Variants in KIF13A observed in about 807,000 individuals in gnomAD.
The protein encoded by KIF13A is kinesin family member 13A.
In KIF13A, 79 loss-of-function variants were observed where a neutral mutation model predicts 212.2. The ratio of observed to expected loss-of-function variants is 0.37; its 90% CI spans 0.31 to 0.45. KIF13A has a LOEUF of 0.45. Ranked by LOEUF, KIF13A falls within the 20% of genes least tolerant of loss-of-function variation. The pLI is 1.00. For synonymous variants in KIF13A, 789 were observed against 808.6 expected (o/e 0.98, Z 0.41); for missense variants, 1,901 against 2,209.0 (o/e 0.86, Z 2.79).
rs1781160822 is a variant in KIF13A, at chr6:17,982,260, T to G, written c.146+4794A>C. On this transcript the variant is annotated intron_variant, in intron 2 of 38. Coordinates refer to ENST00000259711, the MANE Select transcript of KIF13A (RefSeq NM_022113.6). The surrounding 1 kb of genome is among the most constrained non-coding windows in gnomAD (Gnocchi z 5.1). ...ATAGGTGTGCACCACCACACTCGGC[T>G]AACTTTTGTATTTTTTTAGTGGAGA... 6.0e-6 allele frequency: 1 copy of G among 166,270 alleles called. No individual in the cohort carries two copies. The highest frequency in any genetic ancestry group is 2.4e-5 in the African/African-American group (1 of 41,662). 10.3% of individuals were successfully genotyped at this position (166,270 alleles called of 1,614,324 possible).
chr6:17,936,240 C>G (rs988543740), intron 2 of KIF13A: 1 of 152,290 alleles, frequency 6.6e-6, no homozygotes, highest in African/African-American at 2.4e-5. Flanking sequence ...CCTCCGCCTC[C>G]CGGATTCAAG....
chr6:17,802,504 G>A (rs1762555345), intron 20 of KIF13A, among the ~76,000 whole-genome samples: 1 of 151,980 alleles, frequency 6.6e-6, no homozygotes, highest in Admixed American at 6.6e-5. Flanking sequence ...TGGTCAGGCT[G>A]GTCTCGAACA....
chr6:17,793,132 T>G (rs1761736509), intron 25 of KIF13A, among the ~76,000 whole-genome samples: 1 of 152,014 alleles, frequency 6.6e-6, no homozygotes, highest in Non-Finnish European at 1.5e-5. Flanking sequence ...CAGGCTGGAG[T>G]GCAGTGGTAT....
intron 2 of KIF13A, among the ~76,000 whole-genome samples, chr6:17,925,145 G>C (rs530115978): frequency 1.3e-5 from 2 of 152,328 alleles, no homozygotes; most frequent in East Asian, 3.9e-4. Flanking sequence ...CAAGCGGAGG[G>C]ACAGACAAGT....
chr6:17,942,062 G>A (rs1777000682), intron 2 of KIF13A, among the ~76,000 whole-genome samples: 1 of 151,914 alleles, frequency 6.6e-6, no homozygotes, highest in South Asian at 2.1e-4. Context: ...AGCATTTTGG[G>A]AGGCTGAGGT....
At position 17,948,996 on chromosome 6, in the gene KIF13A, C is replaced by T. The variant is rs1357967861; in HGVS notation, c.146+38058G>A. Among the ~76,000 whole-genome samples, 11 of 152,156 alleles carry T rather than the reference C, an allele frequency of 7.2e-5. 2 individuals carry two copies. The South Asian group carries it at 2.3e-3, about 32-fold the overall frequency. On this transcript the variant is annotated intron_variant, in intron 2 of 38. Transcript: ENST00000259711. ...TCGACTAACAATAAACAGTCTTTTGCCTTTCTTACATTATATTCAATATGA... is the reference window on the plus strand; with the variant it reads ...TCGACTAACAATAAACAGTCTTTTGTCTTTCTTACATTATATTCAATATGA...
At chr6:17,864,472 A>T (rs752277608) in intron 4 of KIF13A, among the ~76,000 whole-genome samples, 2 of 152,130 alleles carry the variant, frequency 1.3e-5, no homozygotes, top group Non-Finnish European at 2.9e-5. Flanking sequence ...CCCAACCCTG[A>T]GTCACATACG....
At position 17,833,943 on chromosome 6, in the gene KIF13A, G is replaced by A; in HGVS notation, c.1266+18C>T. ...TGAAAAAGAATCCCAATATTTTAGG[G>A]CTAAATTATCAAGCTACCTGTGCTA... On this transcript the variant is annotated intron_variant, in intron 12 of 38. Transcript: ENST00000259711. 7.5e-7 allele frequency: 1 copy of A among 1,336,548 alleles called. No individual in the cohort carries two copies. Among genetic ancestry groups the A allele is most frequent in the Admixed American group, 2.4e-5 (1 of 42,002 alleles). 82.8% of individuals were successfully genotyped at this position (1,336,548 alleles called of 1,614,324 possible). A position where few individuals can be genotyped will look rare whatever the true frequency, so the allele number is the denominator to read the frequency against.
rs12193768 is a variant in KIF13A, at chr6:17,967,139, G to C, written c.146+19915C>G. ...GGTGAAGGAAAATGTTAAAGATAAA[G>C]CAAAACAGAAAATTTCAACAAGGCA... On this transcript the variant is annotated intron_variant, in intron 2 of 38. Coordinates refer to ENST00000259711, the MANE Select transcript of KIF13A (RefSeq NM_022113.6). This position sits in a 1 kb window ranked among gnomAD's most constrained non-coding sequence, Gnocchi z 4.1. 0.097 allele frequency among the ~76,000 whole-genome samples: 14,707 copies of C among 152,198 alleles called. 904 individuals carry two copies. Among genetic ancestry groups the C allele is most frequent in the East Asian group, 0.18 (930 of 5,174 alleles).
intron 2 of KIF13A, among the ~76,000 whole-genome samples, chr6:17,974,788 A>G (rs1780141662): frequency 6.6e-6 from 1 of 152,240 alleles, no homozygotes; most frequent in Non-Finnish European, 1.5e-5. Flanking sequence ...GTTGAGAACC[A>G]AAGTCCACAT....
chr6:17,958,779 T>A (rs1201266113), intron 2 of KIF13A, among the ~76,000 whole-genome samples: 1 of 152,112 alleles, frequency 6.6e-6, no homozygotes. Context: ...TTCATCCGAA[T>A]GCAAAACTGA....
At chr6:17,807,356 T>C (rs1451301704) in intron 18 of KIF13A, among the ~76,000 whole-genome samples, 1 of 151,872 alleles carries the variant, frequency 6.6e-6, no homozygotes, top group African/African-American at 2.4e-5. Flanking sequence ...AAGGAATGCA[T>C]TGTGGGGGGA....
rs1758740545 is a variant in KIF13A, at chr6:17,764,190, G to A, written c.5338C>T (p.Pro1780Ser). 2 of 1,613,892 alleles carry A rather than the reference G, an allele frequency of 1.2e-6. No individual in the cohort carries two copies. Among genetic ancestry groups the A allele is most frequent in the Non-Finnish European group, 1.7e-6 (2 of 1,179,906 alleles). The part of the protein sequence containing the change: ...GKTVSDGLHH[P>S]SQLHSKLEND... The stretch of plus-strand genomic sequence containing the variant: ...TCTAACTTGGAATGCAGCTGGCTGG[G>A]GTGGTGGAGCCCATCGGAGACAGTC... Residue 1780 changes from proline (P) to serine (S), a missense_variant, in exon 39 of 39, where the codon CCC becomes TCC. Pro to Ser is a moderately conservative substitution (Grantham distance 74). Around this residue, in one of 5 missense-constraint regions of KIF13A, gnomAD observed 687 missense variants for 759.1 expected, o/e 0.90. Coordinates refer to ENST00000259711, the MANE Select transcript of KIF13A (RefSeq NM_022113.6). The surrounding 1 kb of genome is among the most constrained non-coding windows in gnomAD (Gnocchi z 5.1).
chr6:17,881,615 T>C (rs749807664), intron 3 of KIF13A: 3 of 359,222 alleles, frequency 8.4e-6, no homozygotes, highest in South Asian at 6.4e-5. Context: ...GAGAATCACT[T>C]GAACTCAGGA....
At chr6:17,864,983 C>G (rs1417660903) in intron 4 of KIF13A, among the ~76,000 whole-genome samples, 1 of 152,178 alleles carries the variant, frequency 6.6e-6, no homozygotes, top group East Asian at 1.9e-4. Context: ...CATTCCTACA[C>G]CCAACATCTG....
intron 2 of KIF13A, among the ~76,000 whole-genome samples, chr6:17,979,492 G>T (rs1215151282): frequency 1.3e-5 from 2 of 152,170 alleles, no homozygotes; most frequent in Non-Finnish European, 2.9e-5. Flanking sequence ...ACTGCAAAGA[G>T]AATTTACAAA....
chr6:17,982,477 GT>G lies in KIF13A; in HGVS notation c.146+4576del. ...GAATAAACTAAAAAATACATACAAA[GT>G]TTAGTAAGAGGAAGCTTTCTTCAAC... On this transcript the variant is annotated intron_variant, in intron 2 of 38. Coordinates refer to ENST00000259711, the MANE Select transcript of KIF13A (RefSeq NM_022113.6). The surrounding 1 kb of genome is among the most constrained non-coding windows in gnomAD (Gnocchi z 5.1). The G allele has an allele frequency of 1.0e-6, 1 of 973,090 alleles. No homozygotes were observed. Among genetic ancestry groups the G allele is most frequent in the Non-Finnish European group, 1.2e-6 (1 of 818,748 alleles). 60.3% of individuals were successfully genotyped at this position (973,090 alleles called of 1,614,324 possible). A position where few individuals can be genotyped will look rare whatever the true frequency, so the allele number is the denominator to read the frequency against.
intron 4 of KIF13A, among the ~76,000 whole-genome samples, chr6:17,870,854 GA>G (rs1260508690): frequency 1.3e-5 from 2 of 152,092 alleles, no homozygotes; most frequent in African/African-American, 4.8e-5. Flanking sequence ...AAAGTCAAAT[GA>G]AAATATCATT....
Position 17,897,036 on chromosome 6 carries a change from A to C in KIF13A, c.159+1132T>G, listed in dbSNP as rs943184571. 6.6e-6 allele frequency among the ~76,000 whole-genome samples: 1 copy of C among 152,176 alleles called. No homozygotes were observed. The highest frequency in any genetic ancestry group is 1.5e-5 in the Non-Finnish European group (1 of 68,032). ...TAGATTTGTCCAGAATGCCACTGCC[A>C]ATACTTTTCTAATATATTATATATT... is the stretch of plus-strand genomic sequence containing the variant. On this transcript the variant is annotated intron_variant, in intron 3 of 38. Coordinates refer to ENST00000259711, the MANE Select transcript of KIF13A (RefSeq NM_022113.6). This position sits in a 1 kb window ranked among gnomAD's most constrained non-coding sequence, Gnocchi z 4.8.
Sources: allele counts gnomAD v4.1 joint callset (sites outside exome capture counted in the v4.1 genomes callset), GRCh38; gene constraint gnomAD v4.1.1; regional missense constraint gnomAD v4.1.1; non-coding constraint Gnocchi (gnomAD v3.1); transcripts MANE v1.5; gene names NCBI Gene and HGNC (gene_info 2026-07-23, HGNC 2026-07-21).